Variants in PPIA observed in about 807,000 individuals in gnomAD.
PPIA encodes peptidyl-prolyl cis-trans isomerase A.
PPIA carries 2 observed loss-of-function variants against 15.3 expected under a neutral mutation model. The ratio of observed to expected loss-of-function variants is 0.13; its 90% CI spans 0.05 to 0.41. PPIA has a LOEUF of 0.41. PPIA is among the 10% of genes least tolerant of loss of function. The probability of loss-of-function intolerance (pLI) is 0.99; values close to 1 mark genes in which losing one functional copy is unlikely to be tolerated. For missense variants in PPIA, 103 were observed against 210.3 expected, an observed-to-expected ratio of 0.49 and a Z score of 3.16; for synonymous variants, 67 against 73.1, an observed-to-expected ratio of 0.92 and a Z score of 0.43.
intron 1 of PPIA, chr7:44,798,241 A>G (rs1407135064): frequency 2.0e-5 from 3 of 152,278 alleles, no homozygotes; most frequent in Non-Finnish European, 2.9e-5. Context: ...CATACATTCT[A>G]GGTACAAATA....
Position 44,799,242 on chromosome 7 carries a change from T to G in PPIA, c.70-5T>G. 6.2e-7 allele frequency: 1 copy of G among 1,613,504 alleles called. No individual in the cohort carries two copies. The highest frequency in any genetic ancestry group is 8.5e-7 in the Non-Finnish European group (1 of 1,179,750). ...ATGTTAATTAACTGTAATTTTCTCTTACAGCTGTTTGCAGACAAGGTCCCA... is the reference window on the plus strand; with the variant it reads ...ATGTTAATTAACTGTAATTTTCTCTGACAGCTGTTTGCAGACAAGGTCCCA... On this transcript the variant is annotated splice_polypyrimidine_tract_variant and splice_region_variant and intron_variant, in intron 1 of 4. Transcript: ENST00000468812.
Position 44,799,640 on chromosome 7 carries a change from G to A in PPIA, c.190-62G>A, listed in dbSNP as rs971537355. Reference sequence around the variant, plus strand: ...AACTTGGGTTTAAAGTTTGAACCTTGCAGATTTGGCACACTTCATGGTTAT... The same window carrying A: ...AACTTGGGTTTAAAGTTTGAACCTTACAGATTTGGCACACTTCATGGTTAT... On this transcript the variant is annotated intron_variant, in intron 3 of 4. Coordinates refer to ENST00000468812, the MANE Select transcript of PPIA (RefSeq NM_021130.5). The A allele has an allele frequency of 3.7e-6, 6 of 1,604,766 alleles. No individual in the cohort carries two copies. The African/African-American group carries it at 8.0e-5, about 21-fold the overall frequency.
In PPIA at chr7:44,801,907, A is replaced by G. The variant is rs1792574368; in HGVS notation, c.*485A>G. ...GGCAACATAGTGAGACGCTGTCTCT[A>G]CAAAAAATAATTAGCCTGGCCTGGT... is the stretch of plus-strand genomic sequence containing the variant. On this transcript the variant is annotated 3_prime_UTR_variant, in exon 5 of 5. Coordinates refer to ENST00000468812, the MANE Select transcript of PPIA (RefSeq NM_021130.5). 6.1e-6 allele frequency: 1 copy of G among 164,516 alleles called. No individual in the cohort carries two copies. The highest frequency in any genetic ancestry group is 2.4e-5 in the African/African-American group (1 of 41,460). The allele number at this position is 164,516 out of a possible 1,614,324, so 10.2% of individuals were successfully genotyped here. A position where few individuals can be genotyped will look rare whatever the true frequency, so the allele number is the denominator to read the frequency against.
At chr7:44,799,976 C>T (rs1792497077) in intron 4 of PPIA, 102 bp downstream of exon 4, 1 of 1,208,328 alleles carries the variant, frequency 8.3e-7, no homozygotes, top group Non-Finnish European at 1.2e-6. Context: ...CTTCCACAGA[C>T]TTTTTCATCC....
chr7:44,796,983 G>C (rs1792388534), intron 1 of PPIA, among the ~76,000 whole-genome samples, 190 bp downstream of exon 1: 1 of 152,108 alleles, frequency 6.6e-6, no homozygotes, highest in South Asian at 2.1e-4. Context: ...AGGCCGGGAC[G>C]GCGGCGGACA....
chr7:44,797,742 C>A (rs759866534), intron 1 of PPIA, among the ~76,000 whole-genome samples: 7 of 152,198 alleles, frequency 4.6e-5, no homozygotes, highest in Non-Finnish European at 7.3e-5. Context: ...ATATTGAGTA[C>A]GATTCCGTTC....
intron 2 of PPIA, 48 bp downstream of exon 2, chr7:44,799,325 T>G (rs775925787): frequency 2.2e-5 from 35 of 1,601,608 alleles, no homozygotes; most frequent in Admixed American, 3.4e-5. Context: ...TTGTGACAGT[T>G]TGTGTGTGTG....
At chr7:44,797,002 C>A (rs1156685705) in intron 1 of PPIA, among the ~76,000 whole-genome samples, 1 of 152,088 alleles carries the variant, frequency 6.6e-6, no homozygotes, top group African/African-American at 2.4e-5. Flanking sequence ...CAAAGGCAGG[C>A]GGGGCGGCTG....
intron 1 of PPIA, 111 bp from the exon 2 acceptor site, chr7:44,799,136 T>C (rs1792467441): frequency 7.8e-7 from 1 of 1,288,500 alleles, no homozygotes; most frequent in Non-Finnish European, 1.1e-6. Flanking sequence ...AAGTAATTAC[T>C]GAAGAAGTAT....
Position 44,796,705 on chromosome 7 carries a change from A to C in PPIA, c.-20A>C. 4 of 1,609,580 alleles carry C rather than the reference A, an allele frequency of 2.5e-6. No homozygotes were observed. The highest frequency in any genetic ancestry group is 3.4e-6 in the Non-Finnish European group (4 of 1,178,128). On this transcript the variant is annotated 5_prime_UTR_variant, in exon 1 of 5. Coordinates refer to ENST00000468812, the MANE Select transcript of PPIA (RefSeq NM_021130.5). The stretch of plus-strand genomic sequence containing the variant: ...CGTTTTGCAGACGCCACCGCCGAGG[A>C]AAACCGTGTACTATTAGCCATGGTC...
At chr7:44,801,041 T>C (rs1792541934) in intron 4 of PPIA, among the ~76,000 whole-genome samples, 1 of 151,684 alleles carries the variant, frequency 6.6e-6, no homozygotes, top group Admixed American at 6.6e-5. Context: ...ATGGTCTCGA[T>C]CTCCTGACCT....
At chr7:44,800,938 C>T (rs1792536792) in intron 4 of PPIA, among the ~76,000 whole-genome samples, 1 of 152,128 alleles carries the variant, frequency 6.6e-6, no homozygotes, top group African/African-American at 2.4e-5. Flanking sequence ...CTGCCTCAGC[C>T]TCCCGAGTAG....
intron 1 of PPIA, 91 bp downstream of exon 1, chr7:44,796,884 C>G (rs973161689): frequency 1.4e-6 from 2 of 1,387,080 alleles, no homozygotes; most frequent in African/African-American, 1.5e-5. Flanking sequence ...GGGCGCGGGG[C>G]GACCCTGCTT....
chr7:44,799,040 A>AT, intron 1 of PPIA: 2 of 1,131,602 alleles, frequency 1.8e-6, no homozygotes, highest in Middle Eastern at 3.1e-4. Flanking sequence ...CTAGTATTGG[A>AT]TTTTTGGCAT....
At chr7:44,799,681 A>G (rs374118118) in intron 3 of PPIA, 21 bp from the exon 4 acceptor site, 2 of 1,613,708 alleles carry the variant, frequency 1.2e-6, no homozygotes, top group African/African-American at 1.3e-5. Flanking sequence ...CAGAAGTGAC[A>G]TTTTTCCTAT....
At chr7:44,799,961 C>A in intron 4 of PPIA, 87 bp downstream of exon 4, 2 of 1,397,832 alleles carry the variant, frequency 1.4e-6, no homozygotes, top group Non-Finnish European at 2.0e-6. Context: ...TTTCTTCAAC[C>A]TTTGCTTCCA....
intron 4 of PPIA, among the ~76,000 whole-genome samples, chr7:44,800,767 T>C (rs1792528913): frequency 6.6e-6 from 1 of 151,504 alleles, no homozygotes. Flanking sequence ...TTCTTTGGGG[T>C]TTTTGTTTTG....
At chr7:44,797,042 CG>C (rs1369373403) in intron 1 of PPIA, among the ~76,000 whole-genome samples, 1 of 152,154 alleles carries the variant, frequency 6.6e-6, no homozygotes, top group Non-Finnish European at 1.5e-5. Context: ...GGCCCGCGTC[CG>C]CCCGCCCGCC....
chr7:44,799,577 T>A, intron 3 of PPIA, 97 bp downstream of exon 3: 1 of 1,571,194 alleles, frequency 6.4e-7, no homozygotes, highest in South Asian at 1.1e-5. Flanking sequence ...ACTGTTACTC[T>A]ACCATTTCGG....
Sources: allele counts gnomAD v4.1 joint callset (sites outside exome capture counted in the v4.1 genomes callset), GRCh38; gene constraint gnomAD v4.1.1; transcripts MANE v1.5; gene names NCBI Gene and HGNC (gene_info 2026-07-23, HGNC 2026-07-21).